The following TMEM163 variants were observed in gnomAD, a reference collection of about 807,000 sequenced individuals.
TMEM163 encodes the protein transmembrane protein 163.
Under a neutral mutation model 29.3 loss-of-function variants are expected in TMEM163, and 17 were observed. The ratio of observed to expected loss-of-function variants is 0.58; its 90% CI spans 0.40 to 0.87. The LOEUF is 0.87. Ranked by LOEUF, TMEM163 falls within the 40% of genes least tolerant of loss-of-function variation. The pLI is 0.00. For missense variants in TMEM163, 303 were observed against 381.5 expected, an observed-to-expected ratio of 0.79 and a Z score of 1.71; for synonymous variants, 157 against 160.6, an observed-to-expected ratio of 0.98 and a Z score of 0.17.
chr2:134,693,508 T>C (rs1350392272), intron 2 of TMEM163, among the ~76,000 whole-genome samples: 3 of 148,816 alleles, frequency 2.0e-5, no homozygotes, highest in East Asian at 2.0e-4. Flanking sequence ...ACTCAGGAGG[T>C]TGAGGCAGGA....
chr2:134,565,780 A>G (rs1239601749), intron 2 of TMEM163, among the ~76,000 whole-genome samples: 2 of 152,266 alleles, frequency 1.3e-5, no homozygotes, highest in Non-Finnish European at 2.9e-5. Flanking sequence ...ATGACAATAC[A>G]TGAATTACAG....
intron 2 of TMEM163, among the ~76,000 whole-genome samples, chr2:134,586,972 G>A (rs1197174594): frequency 1.3e-5 from 2 of 152,036 alleles, no homozygotes; most frequent in Non-Finnish European, 2.9e-5. Flanking sequence ...TGAAACCTGG[G>A]CAAAATGAGA....
At chr2:134,624,259 A>G (rs1682799393) in intron 2 of TMEM163, among the ~76,000 whole-genome samples, 1 of 152,236 alleles carries the variant, frequency 6.6e-6, no homozygotes, top group Admixed American at 6.5e-5. Context: ...CATAGAAAGA[A>G]GCATCAAACG....
rs576495600 is a variant in TMEM163, at chr2:134,638,255, G to T, written c.322+74945C>A. Among the ~76,000 whole-genome samples, 27 of 152,280 alleles carry T rather than the reference G, an allele frequency of 1.8e-4. 1 individual carries two copies. Among genetic ancestry groups the T allele is most frequent in the African/African-American group, 5.5e-4 (23 of 41,560 alleles). On this transcript the variant is annotated intron_variant, in intron 2 of 7. Transcript: ENST00000281924. The stretch of plus-strand genomic sequence containing the variant: ...TTATTTAAGCAGTGTCCTATTGATG[G>T]TTATAGAGGTTATTACCCCTTTTGC...
intron 2 of TMEM163, among the ~76,000 whole-genome samples, chr2:134,626,195 C>G (rs575072889): frequency 2.7e-5 from 4 of 150,858 alleles, no homozygotes; most frequent in South Asian, 2.1e-4. Flanking sequence ...ACCTCCACCC[C>G]CTGGGTTCAA....
At chr2:134,484,598 C>T (rs528311496) in intron 5 of TMEM163, among the ~76,000 whole-genome samples, 48 of 152,132 alleles carry the variant, frequency 3.2e-4, no homozygotes, top group Middle Eastern at 3.4e-3. Flanking sequence ...GTGTAACTGA[C>T]GTATATATCC....
intron 2 of TMEM163, among the ~76,000 whole-genome samples, chr2:134,577,449 C>T (rs1349274734): frequency 2.6e-5 from 4 of 152,180 alleles, no homozygotes; most frequent in Non-Finnish European, 5.9e-5. Flanking sequence ...CAGAAATACA[C>T]AAGGGTCAGA....
intron 5 of TMEM163, among the ~76,000 whole-genome samples, chr2:134,474,589 A>G (rs1487579192): frequency 2.6e-5 from 4 of 152,150 alleles, no homozygotes; most frequent in Non-Finnish European, 5.9e-5. Flanking sequence ...CAGACTACAT[A>G]ATTTTCTATT....
At chr2:134,633,136 G>C (rs1194514742) in intron 2 of TMEM163, among the ~76,000 whole-genome samples, 4 of 152,154 alleles carry the variant, frequency 2.6e-5, no homozygotes, top group Admixed American at 1.3e-4. Flanking sequence ...TCAGACCATA[G>C]AAGAAGGTTT....
intron 2 of TMEM163, among the ~76,000 whole-genome samples, chr2:134,711,588 T>C (rs1684928934): frequency 6.6e-6 from 1 of 152,224 alleles, no homozygotes. Flanking sequence ...CAAAGCAACA[T>C]TCTAATTCTG....
intron 4 of TMEM163, among the ~76,000 whole-genome samples, chr2:134,546,643 CAA>C (rs58851155): frequency 2.8e-4 from 24 of 84,316 alleles, no homozygotes; most frequent in African/African-American, 4.5e-4. Flanking sequence ...GGCTCCATCT[CAA>C]AAAAAAAAAA....
chr2:134,595,221 C>A (rs961395353), intron 2 of TMEM163, among the ~76,000 whole-genome samples: 1 of 151,778 alleles, frequency 6.6e-6, no homozygotes, highest in Non-Finnish European at 1.5e-5. Context: ...CCATTAACTC[C>A]TCATTTACAT....
At chr2:134,616,713 T>C (rs982472427) in intron 2 of TMEM163, among the ~76,000 whole-genome samples, 6 of 152,246 alleles carry the variant, frequency 3.9e-5, no homozygotes, top group Non-Finnish European at 5.9e-5. Context: ...TGTACCAATG[T>C]CAATTACCTG....
At position 134,535,060 on chromosome 2, in the gene TMEM163, C is replaced by T. The variant is rs898079814; in HGVS notation, c.458+15510G>A. On this transcript the variant is annotated intron_variant, in intron 4 of 7. Transcript: ENST00000281924. Reference sequence around the variant, plus strand: ...ACACCACTACTATTTTGGAAAAGTACTCAATTTCAGATTCTAACACATGTC... The same window carrying T: ...ACACCACTACTATTTTGGAAAAGTATTCAATTTCAGATTCTAACACATGTC... Among the ~76,000 whole-genome samples the T allele has an allele frequency of 4.3e-4, 65 of 152,182 alleles. 2 individuals are homozygous for T. Among genetic ancestry groups the T allele is most frequent in the South Asian group, 2.1e-4 (1 of 4,832 alleles).
At chr2:134,671,764 G>A (rs1216489878) in intron 2 of TMEM163, among the ~76,000 whole-genome samples, 1 of 152,192 alleles carries the variant, frequency 6.6e-6, no homozygotes, top group Non-Finnish European at 1.5e-5. Flanking sequence ...GCTTGACACA[G>A]GCTTTAGAGC....
chr2:134,641,973 A>G (rs1292014176), intron 2 of TMEM163, among the ~76,000 whole-genome samples: 1 of 152,222 alleles, frequency 6.6e-6, no homozygotes, highest in Non-Finnish European at 1.5e-5. Flanking sequence ...AAAAACAACT[A>G]TCAAGGATAC....
chr2:134,569,358 G>C (rs1197942614), intron 2 of TMEM163, among the ~76,000 whole-genome samples: 1 of 152,118 alleles, frequency 6.6e-6, no homozygotes. Flanking sequence ...AGGGACCACA[G>C]TGGGCCCCTC....
chr2:134,692,236 C>T (rs1384890358), intron 2 of TMEM163, among the ~76,000 whole-genome samples: 1 of 152,036 alleles, frequency 6.6e-6, no homozygotes, highest in Non-Finnish European at 1.5e-5. Flanking sequence ...CACTTCAGCC[C>T]AGCGATCCTG....
intron 2 of TMEM163, among the ~76,000 whole-genome samples, chr2:134,668,064 G>A (rs1683905946): frequency 6.6e-6 from 1 of 152,182 alleles, no homozygotes; most frequent in African/African-American, 2.4e-5. Context: ...AGATACTAAG[G>A]CTGAGGGACT....
Sources: allele counts gnomAD v4.1 joint callset (sites outside exome capture counted in the v4.1 genomes callset), GRCh38; gene constraint gnomAD v4.1.1; transcripts MANE v1.5; gene names NCBI Gene and HGNC (gene_info 2026-07-23, HGNC 2026-07-21).